ERBB4: variants seen among roughly 807,000 people sequenced by gnomAD.
ERBB4 encodes the protein receptor tyrosine-protein kinase erbB-4.
ERBB4 carries 42 observed loss-of-function variants against 158.0 expected under a neutral mutation model. The ratio of observed to expected loss-of-function variants is 0.27; its 90% CI spans 0.21 to 0.34. The LOEUF (loss-of-function observed/expected upper bound fraction) is 0.34. Ranked by LOEUF, ERBB4 falls within the 10% of genes least tolerant of loss-of-function variation. The probability of loss-of-function intolerance (pLI) is 1.00; values close to 1 mark genes in which losing one functional copy is unlikely to be tolerated. For missense variants in ERBB4, 1,333 were observed against 1,624.1 expected, an observed-to-expected ratio of 0.82 and a Z score of 3.08; for synonymous variants, 583 against 558.7, an observed-to-expected ratio of 1.04 and a Z score of -0.61.
chr2:212,084,659 C>T (rs1261786351), intron 2 of ERBB4, among the ~76,000 whole-genome samples: 1 of 151,946 alleles, frequency 6.6e-6, no homozygotes, highest in Non-Finnish European at 1.5e-5. Context: ...AATCTTGGCT[C>T]TGTCACTTAC....
At chr2:212,270,089 G>A (rs919164806) in intron 1 of ERBB4, among the ~76,000 whole-genome samples, 1 of 151,692 alleles carries the variant, frequency 6.6e-6, no homozygotes, top group African/African-American at 2.4e-5. Flanking sequence ...GATTTTACCA[G>A]GGATGGTAAA....
intron 3 of ERBB4, among the ~76,000 whole-genome samples, chr2:211,925,476 G>T (rs2079993863): frequency 6.7e-6 from 1 of 148,762 alleles, no homozygotes; most frequent in Non-Finnish European, 1.5e-5. Flanking sequence ...CTGCCTTCCG[G>T]GTTCAAGCAA....
intron 1 of ERBB4, among the ~76,000 whole-genome samples, chr2:212,519,944 ATGTT>A (rs1487562872): frequency 6.6e-6 from 1 of 152,014 alleles, no homozygotes; most frequent in East Asian, 1.9e-4. Flanking sequence ...AAAATGATAA[ATGTT>A]TGAGTTGATG....
chr2:211,481,391 A>AT (rs769589463), intron 20 of ERBB4, among the ~76,000 whole-genome samples: 13 of 152,222 alleles, frequency 8.5e-5, no homozygotes, highest in Admixed American at 1.3e-4. Flanking sequence ...TCGTTTCTGA[A>AT]TTTTTTACAG....
chr2:212,225,110 TCC>T (rs540453991), intron 1 of ERBB4, among the ~76,000 whole-genome samples: 1 of 152,010 alleles, frequency 6.6e-6, no homozygotes, highest in Non-Finnish European at 1.5e-5. Flanking sequence ...AGTTTTTATG[TCC>T]CCTTTTTCCT....
chr2:211,886,108 G>C (rs892115956), intron 3 of ERBB4, among the ~76,000 whole-genome samples: 1 of 152,126 alleles, frequency 6.6e-6, no homozygotes, highest in East Asian at 1.9e-4. Context: ...TATCTTCTTG[G>C]GCATATACAG....
intron 3 of ERBB4, among the ~76,000 whole-genome samples, chr2:211,840,231 A>C (rs377636962): frequency 2.0e-5 from 3 of 152,130 alleles, no homozygotes; most frequent in East Asian, 1.9e-4. Flanking sequence ...GGTTTTCTAA[A>C]GGGGAGTTCC....
At chr2:211,940,675 A>G (rs2080469365) in intron 3 of ERBB4, among the ~76,000 whole-genome samples, 1 of 152,166 alleles carries the variant, frequency 6.6e-6, no homozygotes, top group African/African-American at 2.4e-5. Context: ...GCTGAATTAT[A>G]TGCCCTGAGC....
rs1361423421 is a variant in ERBB4 at position 211,383,188 on chromosome 2, A to G, written c.*427T>C. The G allele has an allele frequency of 1.2e-5, 3 of 250,672 alleles. No individual in the cohort carries two copies. Among genetic ancestry groups the G allele is most frequent in the Non-Finnish European group, 2.3e-5 (3 of 128,616 alleles). The allele number at this position is 250,672 out of a possible 1,614,324, so 15.5% of individuals were successfully genotyped here. On this transcript the variant is annotated 3_prime_UTR_variant, in exon 28 of 28. Coordinates refer to ENST00000342788, the MANE Select transcript of ERBB4 (RefSeq NM_005235.3). ...ATTTCCAGGGATGCTAAATATGCAC[A>G]CATCAGTTCCTGCAGATAGGAACAG...
intron 25 of ERBB4, among the ~76,000 whole-genome samples, chr2:211,406,889 T>C (rs2063158446): frequency 1.3e-5 from 2 of 152,246 alleles, no homozygotes; most frequent in Admixed American, 6.5e-5. Flanking sequence ...GAAACCAGCC[T>C]GGGCAACATG....
At chr2:211,797,208 A>C (rs1218384885) in intron 3 of ERBB4, among the ~76,000 whole-genome samples, 1 of 151,864 alleles carries the variant, frequency 6.6e-6, no homozygotes. Flanking sequence ...TTTCCAGAAA[A>C]TGTAATTGCT....
chr2:211,703,501 GA>G, intron 11 of ERBB4, among the ~76,000 whole-genome samples: 1 of 152,096 alleles, frequency 6.6e-6, no homozygotes, highest in Non-Finnish European at 1.5e-5. Context: ...TATGCAAATT[GA>G]CTTTTAATTG....
In ERBB4 at chr2:211,381,241, A is replaced by G. The variant is rs2062569337; in HGVS notation, c.*2374T>C. 4.3e-6 allele frequency: 1 copy of G among 232,210 alleles called. No homozygotes were observed. Among genetic ancestry groups the G allele is most frequent in the African/African-American group, 2.2e-5 (1 of 45,286 alleles). 14.4% of individuals were successfully genotyped at this position (232,210 alleles called of 1,614,324 possible). A position where few individuals can be genotyped will look rare whatever the true frequency, so the allele number is the denominator to read the frequency against. ...GCTCGCCTCACTTCTTATAGCTTAG[A>G]AAAAAACCAACTCCAATGTCTCCAA... On this transcript the variant is annotated 3_prime_UTR_variant, in exon 28 of 28. Transcript: ENST00000342788.
At chr2:211,733,749 C>T (rs10198466) in intron 5 of ERBB4, among the ~76,000 whole-genome samples, 96,926 of 150,898 alleles carry the variant, frequency 0.64, 32,302 homozygotes, top group African/African-American at 0.79. Flanking sequence ...TAGAAGAAAA[C>T]AAATATAATC....
intron 3 of ERBB4, among the ~76,000 whole-genome samples, chr2:211,850,852 T>A (rs1305117825): frequency 6.6e-6 from 1 of 151,924 alleles, no homozygotes; most frequent in African/African-American, 2.4e-5. Context: ...TGAAAGATAA[T>A]CTAAAACTAA....
At chr2:212,154,567 T>C (rs1363720163) in intron 1 of ERBB4, among the ~76,000 whole-genome samples, 1 of 152,182 alleles carries the variant, frequency 6.6e-6, no homozygotes, top group Admixed American at 6.6e-5. Context: ...TACTGTTGAG[T>C]GGCACTTAGT....
intron 19 of ERBB4, among the ~76,000 whole-genome samples, chr2:211,618,619 C>G (rs931593687): frequency 1.3e-5 from 2 of 152,054 alleles, no homozygotes; most frequent in Non-Finnish European, 2.9e-5. Context: ...GGGTTAACCC[C>G]AGGTTCTTGG....
intron 25 of ERBB4, among the ~76,000 whole-genome samples, chr2:211,397,118 G>A (rs1168660092): frequency 6.6e-6 from 1 of 151,966 alleles, no homozygotes; most frequent in Non-Finnish European, 1.5e-5. Context: ...CAGATTGAAG[G>A]CAACACCCCA....
intron 1 of ERBB4, among the ~76,000 whole-genome samples, chr2:212,308,907 T>G (rs905389025): frequency 6.6e-6 from 1 of 151,016 alleles, no homozygotes; most frequent in East Asian, 2.0e-4. Flanking sequence ...AATATTTCCA[T>G]AGGATTTGGG....
Sources: allele counts gnomAD v4.1 joint callset (sites outside exome capture counted in the v4.1 genomes callset), GRCh38; gene constraint gnomAD v4.1.1; transcripts MANE v1.5; gene names NCBI Gene and HGNC (gene_info 2026-07-23, HGNC 2026-07-21).